Variants in NIPA1 observed in about 807,000 individuals in gnomAD.
NIPA1 encodes magnesium transporter NIPA1.
In NIPA1, 13 loss-of-function variants were observed where a neutral mutation model predicts 23.9. The ratio of observed to expected loss-of-function variants is 0.54; its 90% CI spans 0.35 to 0.87. NIPA1 has a LOEUF of 0.87. Among genes scored for constraint, NIPA1 ranks in the 40% least tolerant of loss-of-function variants. NIPA1 has a pLI of 0.01. For missense variants in NIPA1, 362 were observed against 429.7 expected, an observed-to-expected ratio of 0.84 and a Z score of 1.39; for synonymous variants, 234 against 202.9, an observed-to-expected ratio of 1.15 and a Z score of -1.30.
intron 1 of NIPA1, among the ~76,000 whole-genome samples, chr15:22,789,297 T>A (rs1357603356): frequency 6.6e-6 from 1 of 152,124 alleles, no homozygotes; most frequent in Non-Finnish European, 1.5e-5. Context: ...GCCTATATTA[T>A]GGTTTTAAAT....
chr15:22,812,374 G>T, intron 3 of NIPA1, 121 bp downstream of exon 3: 1 of 742,542 alleles, frequency 1.3e-6, no homozygotes. Context: ...TCTTCAGGCC[G>T]GGCATGGTGG....
intron 3 of NIPA1, among the ~76,000 whole-genome samples, chr15:22,816,681 G>A (rs1460912007): frequency 1.3e-5 from 2 of 149,582 alleles, no homozygotes; most frequent in African/African-American, 4.9e-5. Context: ...AGTAGAGATG[G>A]GGTTTTGCCA....
At chr15:22,791,484 T>TTTTTTG in intron 1 of NIPA1, among the ~76,000 whole-genome samples, 1 of 121,774 alleles carries the variant, frequency 8.2e-6, no homozygotes, top group African/African-American at 3.3e-5. Context: ...ACTTTTTTTT[T>TTTTTTG]TTTTTTTTTT....
At chr15:22,812,115 A>G (rs751336582) in intron 2 of NIPA1, 48 bp from the exon 3 acceptor site, 1 of 1,352,294 alleles carries the variant, frequency 7.4e-7, no homozygotes, top group Non-Finnish European at 1.1e-6. Flanking sequence ...TCAGTGCTGG[A>G]AGAGAGCTCT....
chr15:22,798,522 A>G (rs1894991974), intron 1 of NIPA1, among the ~76,000 whole-genome samples: 1 of 146,700 alleles, frequency 6.8e-6, no homozygotes, highest in Admixed American at 6.9e-5. Flanking sequence ...TACAGGCATG[A>G]GCCACTGTGC....
chr15:22,793,027 C>T (rs1459601381), intron 1 of NIPA1, among the ~76,000 whole-genome samples: 1 of 152,124 alleles, frequency 6.6e-6, no homozygotes, highest in Non-Finnish European at 1.5e-5. Context: ...CACCACTGCA[C>T]TCCAGCCTGG....
chr15:22,812,200 G>A lies in NIPA1; in HGVS notation c.264G>A (p.Thr88=), dbSNP rs749905981. Residue 88 remains threonine (T), a synonymous_variant, in exon 3 of 5, where the codon ACG becomes ACA. Transcript: ENST00000337435. The part of the protein sequence containing the change: ...VGQIGNFLAY[T]AVPTVLVTPL... ...AGATTGGAAACTTCCTGGCTTACAC[G>A]GCGGTCCCCACGGTCCTGGTAACCC... 45 of 1,613,674 alleles carry A rather than the reference G, an allele frequency of 2.8e-5. No individual in the cohort carries two copies. The highest frequency in any genetic ancestry group is 3.3e-5 in the Non-Finnish European group (39 of 1,179,804).
intron 1 of NIPA1, among the ~76,000 whole-genome samples, chr15:22,808,224 G>T (rs1233068118): frequency 1.3e-5 from 2 of 152,206 alleles, no homozygotes; most frequent in Non-Finnish European, 2.9e-5. Flanking sequence ...TAGCCACTTT[G>T]ATTAGCACAT....
chr15:22,806,541 C>G (rs965285101), intron 1 of NIPA1, among the ~76,000 whole-genome samples: 3 of 80,212 alleles, frequency 3.7e-5, no homozygotes, highest in Non-Finnish European at 5.9e-5. Flanking sequence ...TTCAGTGCTG[C>G]AGCTCCCTGT....
chr15:22,790,021 T>G (rs1894795606), intron 1 of NIPA1, among the ~76,000 whole-genome samples: 1 of 152,134 alleles, frequency 6.6e-6, no homozygotes, highest in African/African-American at 2.4e-5. Context: ...ATTGAACTCC[T>G]GACCTCAGAT....
chr15:22,794,297 T>G (rs1357522504), intron 1 of NIPA1, among the ~76,000 whole-genome samples: 1 of 135,794 alleles, frequency 7.4e-6, no homozygotes, highest in Admixed American at 8.4e-5. Context: ...AGGCACCCAC[T>G]GCAGTGACAT....
At chr15:22,786,563 C>T (rs1232897470), upstream of NIPA1, 1 of 309,282 alleles carries the variant, frequency 3.2e-6, no homozygotes, top group African/African-American at 2.3e-5. Flanking sequence ...ACCCGTCCCC[C>T]TCCCCTCCCC....
chr15:22,817,186 CAA>C (rs894814701), intron 3 of NIPA1, among the ~76,000 whole-genome samples: 17,897 of 59,960 alleles, frequency 0.3, 1,198 homozygotes, highest in Non-Finnish European at 0.38. Context: ...GACTCTGTCT[CAA>C]AAAAAAAAAA....
rs373829118 is a variant in NIPA1 at position 22,827,946 on chromosome 15, G to C, written c.*3707G>C. On this transcript the variant is annotated 3_prime_UTR_variant, in exon 5 of 5. Transcript: ENST00000337435. The stretch of plus-strand genomic sequence containing the variant: ...CCAGAAGAGGGGAGAGAGTACTCCG[G>C]TGGTTCCCAGAGCCCCTCCCGTTGT... The C allele has an allele frequency of 6.6e-5, 10 of 152,268 alleles. No homozygotes were observed. Among genetic ancestry groups the C allele is most frequent in the African/African-American group, 2.4e-4 (10 of 41,540 alleles). 9.4% of individuals were successfully genotyped at this position (152,268 alleles called of 1,614,324 possible).
chr15:22,810,166 G>A (rs1013493569), intron 1 of NIPA1, among the ~76,000 whole-genome samples: 6 of 152,172 alleles, frequency 3.9e-5, no homozygotes, highest in Non-Finnish European at 7.4e-5. Context: ...AAGGTGCTGG[G>A]GCTCCGCCTG....
intron 1 of NIPA1, among the ~76,000 whole-genome samples, chr15:22,802,928 A>G (rs1895115361): frequency 6.6e-6 from 1 of 151,770 alleles, no homozygotes; most frequent in Non-Finnish European, 1.5e-5. Context: ...ACCAGTTTAC[A>G]TATCCATTCT....
chr15:22,811,881 A>C (rs996725571), intron 2 of NIPA1, among the ~76,000 whole-genome samples: 8 of 152,158 alleles, frequency 5.3e-5, no homozygotes, highest in Non-Finnish European at 1.0e-4. Flanking sequence ...GTGTTAAGAG[A>C]GCGGAGATAT....
In NIPA1 at chr15:22,806,749, C is replaced by T. The variant is rs149976395; in HGVS notation, c.179-4000C>T. On this transcript the variant is annotated intron_variant, in intron 1 of 4. Coordinates refer to ENST00000337435, the MANE Select transcript of NIPA1 (RefSeq NM_144599.5). ...GATATCCTCACAGATATCTGTATGA[C>T]GGGCCAAGGGCTAATATGGAATGCA... Among the ~76,000 whole-genome samples, 291 of 152,182 alleles carry T rather than the reference C, an allele frequency of 1.9e-3. 1 individual carries two copies. The highest frequency in any genetic ancestry group is 6.6e-3 in the African/African-American group (275 of 41,520).
intron 1 of NIPA1, 34 bp from the exon 2 acceptor site, chr15:22,810,714 CA>C (rs775174841): frequency 7.1e-7 from 1 of 1,413,722 alleles, no homozygotes; most frequent in East Asian, 2.3e-5. Flanking sequence ...CTGGTAAACC[CA>C]CTTTTCTGAC....
Sources: gnomAD v4.1 joint callset for allele counts (sites outside exome capture counted in the v4.1 genomes callset) on GRCh38, gnomAD v4.1.1 for gene constraint, MANE v1.5 for transcripts, NCBI Gene and HGNC (gene_info 2026-07-23, HGNC 2026-07-21) for gene names.